The following MYO7B variants were observed in gnomAD, a reference collection of about 807,000 sequenced individuals.
MYO7B encodes the protein unconventional myosin-VIIb.
MYO7B carries 212 observed loss-of-function variants against 259.7 expected under a neutral mutation model. The ratio of observed to expected loss-of-function variants is 0.82; its 90% CI spans 0.73 to 0.91. The LOEUF is 0.91. Ranked by LOEUF, MYO7B falls within the 40% of genes least tolerant of loss-of-function variation. MYO7B has a pLI of 0.00. For missense variants in MYO7B, 2,732 were observed against 2,813.5 expected, an observed-to-expected ratio of 0.97 and a Z score of 0.66; for synonymous variants, 1,197 against 1,166.4, an observed-to-expected ratio of 1.03 and a Z score of -0.54.
chr2:127,636,577 C>A lies in MYO7B; in HGVS notation c.6156C>A (p.Ile2052=). The part of the protein sequence containing the change: ...QTSEPSYPDV[I]LIAINRHGVL... ...CGGAGCCTTCCTACCCGGACGTCAT[C>A]CTCATCGCCATCAACCGACATGGGG... The change falls in exon 46 of 48, where the codon ATC becomes ATA. Residue 2052 remains isoleucine (I), a synonymous_variant. Coordinates refer to ENST00000409816, the MANE Select transcript of MYO7B (RefSeq NM_001393586.1). This position sits in a 1 kb window ranked among gnomAD's most constrained non-coding sequence, Gnocchi z 4.5. 1 of 1,612,928 alleles carries A rather than the reference C, an allele frequency of 6.2e-7. No homozygotes were observed. Among genetic ancestry groups the A allele is most frequent in the Non-Finnish European group, 8.5e-7 (1 of 1,179,476 alleles).
Position 127,590,570 on chromosome 2 carries a change from GT to G in MYO7B, c.1992+344del, listed in dbSNP as rs578035797. On this transcript the variant is annotated intron_variant, in intron 16 of 47. Coordinates refer to ENST00000409816, the MANE Select transcript of MYO7B (RefSeq NM_001393586.1). This position sits in a 1 kb window ranked among gnomAD's most constrained non-coding sequence, Gnocchi z 4.6. ...GAATGCACTGAGGGTTGGACATGAGGTTTGCAGTACATGTCCCATATGTAAA... is the reference window on the plus strand; with the variant it reads ...GAATGCACTGAGGGTTGGACATGAGGTTGCAGTACATGTCCCATATGTAAA... Among the ~76,000 whole-genome samples the G allele has an allele frequency of 1.1e-3, 162 of 152,342 alleles. 1 individual carries two copies. Among genetic ancestry groups the G allele is most frequent in the African/African-American group, 3.7e-3 (152 of 41,572 alleles).
rs56290548 is a variant in MYO7B at position 127,562,482 on chromosome 2, G to GTTTTTTTTT, written c.19-1655_19-1647dup. Among the ~76,000 whole-genome samples the GTTTTTTTTT allele has an allele frequency of 3.8e-3, 230 of 61,182 alleles. 1 individual carries two copies. Among genetic ancestry groups the GTTTTTTTTT allele is most frequent in the Non-Finnish European group, 4.8e-3 (169 of 35,504 alleles). The allele number at this position is 61,182 out of a possible 152,430, so 40.1% of individuals were successfully genotyped here. A position where few individuals can be genotyped will look rare whatever the true frequency, so the allele number is the denominator to read the frequency against. Reference sequence around the variant, plus strand: ...CAGCTAATTTTTGTGGGGTTTTATTGTTTTTTTTTTTTTTTTTTTTTTTTG... The same window carrying GTTTTTTTTT: ...CAGCTAATTTTTGTGGGGTTTTATTGTTTTTTTTTTTTTTTTTTTTTTTTTTTTTTTTTG... On this transcript the variant is annotated intron_variant, in intron 2 of 47. Coordinates refer to ENST00000409816, the MANE Select transcript of MYO7B (RefSeq NM_001393586.1).
rs116615162 is a variant in MYO7B, at chr2:127,583,033, T to G, written c.1343+587T>G. ...GGCAACGGAGCCAGGCCAGGCCAGGTGATGCTCAGGGGCACTATCACCAGC... is the reference window on the plus strand; with the variant it reads ...GGCAACGGAGCCAGGCCAGGCCAGGGGATGCTCAGGGGCACTATCACCAGC... On this transcript the variant is annotated intron_variant, in intron 12 of 47. Coordinates refer to ENST00000409816, the MANE Select transcript of MYO7B (RefSeq NM_001393586.1). 6.8e-3 allele frequency among the ~76,000 whole-genome samples: 1,037 copies of G among 152,232 alleles called. 17 individuals are homozygous for G. Among genetic ancestry groups the G allele is most frequent in the African/African-American group, 0.024 (996 of 41,544 alleles).
chr2:127,593,088 C>T (rs1679630781), intron 17 of MYO7B, 142 bp downstream of exon 17: 2 of 1,112,036 alleles, frequency 1.8e-6, no homozygotes, highest in Non-Finnish European at 1.3e-6. Context: ...CTTCCTCCCT[C>T]TCTCCTCCTC....
chr2:127,630,777 G>A lies in MYO7B; in HGVS notation c.4807-1G>A. The A allele has an allele frequency of 6.2e-7, 1 of 1,612,836 alleles. No homozygotes were observed. Among genetic ancestry groups the A allele is most frequent in the African/African-American group, 1.3e-5 (1 of 75,046 alleles). On this transcript the variant is annotated splice_acceptor_variant, in intron 35 of 47. Transcript: ENST00000409816. LOFTEE classifies it high-confidence loss of function. ...CACCCACAGGCCTGTGCCCCCTTCA[G>A]AGCTTGCTTGCCATGTCACCAGAGA... is the stretch of plus-strand genomic sequence containing the variant.
Position 127,624,303 on chromosome 2 carries a change from G to A in MYO7B, c.4030G>A (p.Glu1344Lys), listed in dbSNP as rs756282966. ...RQVLRGVWSG[E>K]YSFEKEEELV... is the part of the protein sequence containing the mutation. ...AGTCCTCCGAGGAGTCTGGTCTGGC[G>A]AGTACAGCTTCGAGAAGGTGAGGGG... The change falls in exon 30 of 48, where the codon GAG becomes AAG. Residue 1344 changes from glutamate (E) to lysine (K), a missense_variant. By Grantham distance (56) the Glu-to-Lys change is moderately conservative. Transcript: ENST00000409816. 1.2e-5 allele frequency: 19 copies of A among 1,579,328 alleles called. No homozygotes were observed. In the Admixed American group the frequency reaches 1.8e-4, roughly 15 times the overall value.
chr2:127,584,076 T>A lies in MYO7B; in HGVS notation c.1344-46T>A. On this transcript the variant is annotated intron_variant, in intron 12 of 47. Coordinates refer to ENST00000409816, the MANE Select transcript of MYO7B (RefSeq NM_001393586.1). This position sits in a 1 kb window ranked among gnomAD's most constrained non-coding sequence, Gnocchi z 5.8. ...GGCTCCAGCCTGCTGCAGCGGGGAC[T>A]CAGCTGGCCCCACTCCACCCCTGGG... 6.4e-7 allele frequency: 1 copy of A among 1,557,818 alleles called. No homozygotes were observed. The highest frequency in any genetic ancestry group is 8.8e-7 in the Non-Finnish European group (1 of 1,142,536).
intron 4 of MYO7B, among the ~76,000 whole-genome samples, chr2:127,566,058 T>C (rs1339931501): frequency 6.6e-6 from 1 of 152,246 alleles, no homozygotes; most frequent in Non-Finnish European, 1.5e-5. Flanking sequence ...GGCTTTTGCC[T>C]GCACTCCTCA....
Position 127,574,076 on chromosome 2 carries a change from C to A in MYO7B, c.735+14C>A, listed in dbSNP as rs550569981. The A allele has an allele frequency of 1.9e-5, 31 of 1,613,564 alleles. No homozygotes were observed. The highest frequency in any genetic ancestry group is 2.7e-5 in the African/African-American group (2 of 74,928). On this transcript the variant is annotated intron_variant, in intron 7 of 47. Coordinates refer to ENST00000409816, the MANE Select transcript of MYO7B (RefSeq NM_001393586.1). ...GTCTGCCGGCAGGTGAGGCCTCCCCCTTCCCAGGTCGGGAGTTGAGGGAAT... is the reference window on the plus strand; with the variant it reads ...GTCTGCCGGCAGGTGAGGCCTCCCCATTCCCAGGTCGGGAGTTGAGGGAAT...
At chr2:127,610,589 G>A (rs1198108755) in intron 24 of MYO7B, among the ~76,000 whole-genome samples, 1 of 152,230 alleles carries the variant, frequency 6.6e-6, no homozygotes, top group Non-Finnish European at 1.5e-5. Flanking sequence ...TTGGTCAGAA[G>A]TCCTTCCTAA....
intron 1 of MYO7B, among the ~76,000 whole-genome samples, chr2:127,542,397 C>T (rs372231312): frequency 4.0e-4 from 61 of 152,290 alleles, no homozygotes; most frequent in African/African-American, 1.4e-3. Context: ...CCTGTTGCTC[C>T]CTGGCAGCTG....
intron 18 of MYO7B, among the ~76,000 whole-genome samples, chr2:127,594,442 G>A (rs1035199619): frequency 2.0e-5 from 3 of 152,190 alleles, no homozygotes; most frequent in African/African-American, 4.8e-5. Context: ...TCAGAGGGAC[G>A]TCCTGGCCCC....
Position 127,636,305 on chromosome 2 carries a change from C to T in MYO7B, c.6104C>T (p.Ser2035Phe). ...KWICRWPTFG[S>F]AFFEVKQTSE... ...ATCTGCCGGTGGCCCACCTTCGGAT[C>T]CGCCTTCTTCGAGGTGAAGGTAAAC... Residue 2035 changes from serine (S) to phenylalanine (F), a missense_variant, in exon 45 of 48, where the codon TCC (serine) becomes TTC (phenylalanine). Ser to Phe is a radical substitution (Grantham distance 155). This residue lies in a region of MYO7B where 821 missense variants were observed against 769.3 expected (regional missense o/e 1.07). Coordinates refer to ENST00000409816, the MANE Select transcript of MYO7B (RefSeq NM_001393586.1). This position sits in a 1 kb window ranked among gnomAD's most constrained non-coding sequence, Gnocchi z 4.5. 1 of 1,613,308 alleles carries T rather than the reference C, an allele frequency of 6.2e-7. No homozygotes were observed. Among genetic ancestry groups the T allele is most frequent in the Non-Finnish European group, 8.5e-7 (1 of 1,179,722 alleles).
rs976190802 is a variant in MYO7B at position 127,627,815 on chromosome 2, C to T, written c.4460+505C>T. 3 of 457,926 alleles carry T rather than the reference C, an allele frequency of 6.6e-6. No individual in the cohort carries two copies. The highest frequency in any genetic ancestry group is 2.3e-5 in the Admixed American group (1 of 42,610). The allele number at this position is 457,926 out of a possible 1,614,324, so 28.4% of individuals were successfully genotyped here. On this transcript the variant is annotated intron_variant, in intron 33 of 47. Transcript: ENST00000409816. The surrounding 1 kb of genome is among the most constrained non-coding windows in gnomAD (Gnocchi z 5.6). ...CTTTTCCATGCCCTTTGGGAAGTCC[C>T]ACCCAAGCCCTGCCAGAGCGCCCCT...
At chr2:127,536,515 G>A (rs1293009424) in intron 1 of MYO7B, among the ~76,000 whole-genome samples, 1 of 151,970 alleles carries the variant, frequency 6.6e-6, no homozygotes. Context: ...GACCGCACCG[G>A]GGCTCACATG....
chr2:127,584,754 C>T lies in MYO7B; in HGVS notation c.1555-24C>T. Reference sequence around the variant, plus strand: ...ATGGCTGGACTCTGGGACCTCAGCCCACAGGGTGTCTGGGTTCTTCCAGGG... The same window carrying T: ...ATGGCTGGACTCTGGGACCTCAGCCTACAGGGTGTCTGGGTTCTTCCAGGG... On this transcript the variant is annotated intron_variant, in intron 13 of 47. Coordinates refer to ENST00000409816, the MANE Select transcript of MYO7B (RefSeq NM_001393586.1). The surrounding 1 kb of genome is among the most constrained non-coding windows in gnomAD (Gnocchi z 5.8). 6.2e-7 allele frequency: 1 copy of T among 1,612,944 alleles called. No homozygotes were observed. The highest frequency in any genetic ancestry group is 8.5e-7 in the Non-Finnish European group (1 of 1,179,322).
At position 127,636,554 on chromosome 2, in the gene MYO7B, G is replaced by C; in HGVS notation, c.6133G>C (p.Glu2045Gln). The C allele has an allele frequency of 6.2e-7, 1 of 1,611,166 alleles. No individual in the cohort carries two copies. Among genetic ancestry groups the C allele is most frequent in the Non-Finnish European group, 8.5e-7 (1 of 1,178,756 alleles). The change falls in exon 46 of 48, where the codon GAG (glutamate) becomes CAG (glutamine). Residue 2045 changes from glutamate to glutamine, a missense_variant. By Grantham distance (29) the Glu-to-Gln change is conservative. Around this residue, in one of 3 missense-constraint regions of MYO7B, gnomAD observed 821 missense variants for 769.3 expected, o/e 1.07. Transcript: ENST00000409816. The surrounding 1 kb of genome is among the most constrained non-coding windows in gnomAD (Gnocchi z 4.5). The stretch of plus-strand genomic sequence containing the variant: ...TGTCCCTCCCTCCCAGCAAACCTCG[G>C]AGCCTTCCTACCCGGACGTCATCCT... ...SAFFEVKQTS[E>Q]PSYPDVILIA...
At chr2:127,632,508 C>T (rs1041687674) in intron 39 of MYO7B, 107 bp downstream of exon 39, 4 of 1,362,954 alleles carry the variant, frequency 2.9e-6, no homozygotes, top group Non-Finnish European at 2.9e-6. Context: ...GGAGGACTCT[C>T]CAGAAGCCAG....
rs1408150691 is a variant in MYO7B at position 127,596,691 on chromosome 2, C to T, written c.2339+135C>T. On this transcript the variant is annotated intron_variant, in intron 19 of 47. Transcript: ENST00000409816. ...GGTTACTGAGATCTTCCAATGCCTT[C>T]CAACCAGGGACACTGCAGCCTATGT... 5.7e-6 allele frequency: 4 copies of T among 703,628 alleles called. No individual in the cohort carries two copies. In the African/African-American group the frequency reaches 7.0e-5, roughly 12 times the overall value. The allele number at this position is 703,628 out of a possible 1,614,324, so 43.6% of individuals were successfully genotyped here.
Sources: allele counts gnomAD v4.1 joint callset (sites outside exome capture counted in the v4.1 genomes callset), GRCh38; gene constraint gnomAD v4.1.1; regional missense constraint gnomAD v4.1.1; non-coding constraint Gnocchi (gnomAD v3.1); transcripts MANE v1.5; gene names NCBI Gene and HGNC (gene_info 2026-07-23, HGNC 2026-07-21).